The following CSGALNACT1 variants were observed in gnomAD, a reference collection of about 807,000 sequenced individuals.
CSGALNACT1 encodes the protein beta4GalNAcT-1.
A neutral mutation model predicts 51.0 loss-of-function variants in CSGALNACT1; 52 were observed. The ratio of observed to expected loss-of-function variants is 1.02; its 90% CI spans 0.82 to 1.29. The LOEUF (loss-of-function observed/expected upper bound fraction) is 1.29, where lower values mean the gene tolerates loss of function less well. Ranked by LOEUF, CSGALNACT1 falls within the 50% of genes most tolerant of loss-of-function variation. CSGALNACT1 has a pLI of 0.00. For synonymous variants in CSGALNACT1, 341 were observed against 254.4 expected, an observed-to-expected ratio of 1.34 and a Z score of -3.24; for missense variants, 935 against 679.2, an observed-to-expected ratio of 1.38 and a Z score of -4.19.
intron 1 of CSGALNACT1, among the ~76,000 whole-genome samples, chr8:19,734,026 A>G (rs758460908): frequency 6.6e-6 from 1 of 152,280 alleles, no homozygotes; most frequent in Non-Finnish European, 1.5e-5. Context: ...TCACCCCCCA[A>G]CAATGAACGC....
upstream of CSGALNACT1, among the ~76,000 whole-genome samples, chr8:19,605,295 G>A (rs2051209684): frequency 6.6e-6 from 1 of 152,090 alleles, no homozygotes; most frequent in Non-Finnish European, 1.5e-5. Context: ...AATTAGCCGG[G>A]CATGGTGGCA....
At chr8:19,644,674 C>T (rs2057086779) in intron 1 of CSGALNACT1, among the ~76,000 whole-genome samples, 2 of 133,362 alleles carry the variant, frequency 1.5e-5, no homozygotes, top group Admixed American at 8.3e-5. Flanking sequence ...GGTGCTACTG[C>T]ACTCCAGCCT....
chr8:19,473,784 G>C (rs1219938222), intron 4 of CSGALNACT1, among the ~76,000 whole-genome samples: 3 of 152,158 alleles, frequency 2.0e-5, no homozygotes, highest in East Asian at 3.9e-4. Flanking sequence ...TAATCCACTG[G>C]ATATTTGGGG....
chr8:19,558,481 C>A (rs778795129), intron 3 of CSGALNACT1, among the ~76,000 whole-genome samples: 1 of 152,094 alleles, frequency 6.6e-6, no homozygotes, highest in African/African-American at 2.4e-5. Context: ...CAGGAGATTT[C>A]TGAACATTCT....
At chr8:19,610,631 T>C (rs1014657576) in intron 1 of CSGALNACT1, among the ~76,000 whole-genome samples, 1 of 152,160 alleles carries the variant, frequency 6.6e-6, no homozygotes, top group Non-Finnish European at 1.5e-5. Context: ...AGAGTTTGGC[T>C]GGGGCAGTCC....
intron 5 of CSGALNACT1, 89 bp from the exon 5 acceptor site, chr8:19,440,020 G>C: frequency 9.3e-7 from 1 of 1,076,774 alleles, no homozygotes; most frequent in South Asian, 1.3e-5. Flanking sequence ...AGTGCAAAAG[G>C]GTCTTGAAGG....
intron 4 of CSGALNACT1, among the ~76,000 whole-genome samples, chr8:19,485,176 T>C (rs2072554437): frequency 6.6e-6 from 1 of 152,144 alleles, no homozygotes; most frequent in African/African-American, 2.4e-5. Flanking sequence ...TGTATTTATT[T>C]TTAAATTACA....
At chr8:19,449,170 A>G (rs7814793) in intron 5 of CSGALNACT1, among the ~76,000 whole-genome samples, 92,867 of 152,022 alleles carry the variant, frequency 0.61, 30,008 homozygotes, top group East Asian at 0.86. Flanking sequence ...CCATTTGGTC[A>G]TTTTTTACTC....
intron 4 of CSGALNACT1, among the ~76,000 whole-genome samples, chr8:19,480,196 A>C (rs2070973083): frequency 6.6e-6 from 1 of 152,200 alleles, no homozygotes; most frequent in Admixed American, 6.5e-5. Flanking sequence ...TTTATTGTAC[A>C]GATTATTTCA....
In CSGALNACT1 at chr8:19,493,505, C is replaced by G. The variant is rs79385365; in HGVS notation, c.634+11696G>C. Among the ~76,000 whole-genome samples, 305 of 152,288 alleles carry G rather than the reference C, an allele frequency of 2.0e-3. 2 individuals carry two copies. The highest frequency in any genetic ancestry group is 6.8e-3 in the African/African-American group (283 of 41,562). ...TCCCCATCTCCACCAACTCCTCCAA[C>G]CCCCAGAACCCTAGGCAAACACTCG... is the stretch of plus-strand genomic sequence containing the variant. On this transcript the variant is annotated intron_variant, in intron 4 of 9. Transcript: ENST00000454498.
At chr8:19,640,474 C>T (rs753400541) in intron 1 of CSGALNACT1, among the ~76,000 whole-genome samples, 1 of 152,162 alleles carries the variant, frequency 6.6e-6, no homozygotes, top group Admixed American at 6.5e-5. Flanking sequence ...CTCAATGTAA[C>T]TTTGAGTCCC....
intron 2 of CSGALNACT1, among the ~76,000 whole-genome samples, chr8:19,593,904 A>G (rs1419122255): frequency 6.6e-6 from 1 of 152,124 alleles, no homozygotes; most frequent in Non-Finnish European, 1.5e-5. Context: ...CTGAAACTTA[A>G]TTTTCCTTCC....
chr8:19,718,827 C>A (rs893910444), intron 1 of CSGALNACT1, among the ~76,000 whole-genome samples: 5 of 152,146 alleles, frequency 3.3e-5, no homozygotes, highest in Non-Finnish European at 5.9e-5. Context: ...TCACCACGAC[C>A]GTGAAGCCCT....
intron 1 of CSGALNACT1, among the ~76,000 whole-genome samples, chr8:19,653,051 A>C (rs896978223): frequency 6.6e-6 from 1 of 152,160 alleles, no homozygotes; most frequent in Non-Finnish European, 1.5e-5. Context: ...GAAAACCATC[A>C]AAGTGAATTA....
chr8:19,561,163 T>C (rs550813646), intron 3 of CSGALNACT1, among the ~76,000 whole-genome samples: 4 of 152,282 alleles, frequency 2.6e-5, no homozygotes, highest in African/African-American at 7.2e-5. Context: ...TAGGTGTCTG[T>C]GGGAGAGGAA....
At chr8:19,496,589 A>C (rs570276073) in intron 4 of CSGALNACT1, among the ~76,000 whole-genome samples, 1 of 152,350 alleles carries the variant, frequency 6.6e-6, no homozygotes, top group East Asian at 1.9e-4. Flanking sequence ...CTTACCACGA[A>C]AAAGAACCAC....
chr8:19,683,482 C>T (rs143054629), upstream of CSGALNACT1, among the ~76,000 whole-genome samples: 10 of 152,276 alleles, frequency 6.6e-5, no homozygotes, highest in African/African-American at 1.9e-4. Context: ...AATAGCCTTT[C>T]CACACACCAA....
At chr8:19,478,626 G>A (rs1294719554) in intron 4 of CSGALNACT1, among the ~76,000 whole-genome samples, 2 of 152,068 alleles carry the variant, frequency 1.3e-5, no homozygotes, top group Non-Finnish European at 2.9e-5. Flanking sequence ...AGGCAGTCAT[G>A]GGACACTGGT....
At chr8:19,748,320 T>A (rs1228520590) in intron 1 of CSGALNACT1, among the ~76,000 whole-genome samples, 1 of 152,200 alleles carries the variant, frequency 6.6e-6, no homozygotes, top group Admixed American at 6.5e-5. Context: ...ATTTCTGGGA[T>A]TAGTTTCCAA....
Sources: allele counts gnomAD v4.1 joint callset (sites outside exome capture counted in the v4.1 genomes callset), GRCh38; gene constraint gnomAD v4.1.1; transcripts MANE v1.5; gene names NCBI Gene and HGNC (gene_info 2026-07-23, HGNC 2026-07-21).